CHST11: variants seen among roughly 807,000 people sequenced by gnomAD.
CHST11 encodes the protein carbohydrate sulfotransferase 11, also known as C4S-1.
Under a neutral mutation model 30.4 loss-of-function variants are expected in CHST11, and 9 were observed. That is an observed-to-expected ratio of 0.30 (90% CI 0.18 to 0.52). CHST11 has a LOEUF of 0.52. Among genes scored for constraint, CHST11 ranks in the 20% least tolerant of loss-of-function variants. The pLI, the probability that CHST11 is intolerant of heterozygous loss-of-function variation, is 0.97. For missense variants in CHST11, 348 were observed against 460.6 expected (o/e 0.76, Z 2.24); for synonymous variants, 152 against 187.8 (o/e 0.81, Z 1.56).
chr12:104,460,899 T>A (rs1305627504), intron 1 of CHST11, among the ~76,000 whole-genome samples: 1 of 152,178 alleles, frequency 6.6e-6, no homozygotes, highest in Non-Finnish European at 1.5e-5. Flanking sequence ...TTAAGAATAT[T>A]TTATAGGGCA....
intron 1 of CHST11, among the ~76,000 whole-genome samples, chr12:104,583,714 T>C (rs1254763437): frequency 2.4e-5 from 1 of 41,180 alleles, no homozygotes; most frequent in Non-Finnish European, 4.3e-5. Context: ...TTTTCAAAGA[T>C]CTCTCTCTTT....
chr12:104,534,669 A>G (rs2038219080), intron 1 of CHST11, among the ~76,000 whole-genome samples: 1 of 152,092 alleles, frequency 6.6e-6, no homozygotes, highest in Non-Finnish European at 1.5e-5. Flanking sequence ...GTAATCCTGT[A>G]TCGGTGCTGC....
intron 1 of CHST11, among the ~76,000 whole-genome samples, chr12:104,581,979 C>T (rs1274805222): frequency 6.6e-6 from 1 of 151,982 alleles, no homozygotes; most frequent in East Asian, 1.9e-4. Flanking sequence ...GGGGATGGGA[C>T]GGAGGGAGGT....
chr12:104,565,328 A>G lies in CHST11; in HGVS notation c.119-36578A>G, dbSNP rs544643778. 1.1e-3 allele frequency among the ~76,000 whole-genome samples: 143 copies of G among 132,280 alleles called. 1 individual carries two copies. Among genetic ancestry groups the G allele is most frequent in the Non-Finnish European group, 1.7e-3 (111 of 65,896 alleles). 86.8% of individuals were successfully genotyped at this position (132,280 alleles called of 152,430 possible). On this transcript the variant is annotated intron_variant, in intron 1 of 2. Coordinates refer to ENST00000303694, the MANE Select transcript of CHST11 (RefSeq NM_018413.6). The stretch of plus-strand genomic sequence containing the variant: ...GTTGCTCAGGCTGGAGTGCAGTGGC[A>G]TGATCTTGGCTCACTGTAACCTCCA...
At chr12:104,557,328 C>T (rs2038467172) in intron 1 of CHST11, among the ~76,000 whole-genome samples, 1 of 152,218 alleles carries the variant, frequency 6.6e-6, no homozygotes, top group Admixed American at 6.5e-5. Flanking sequence ...AGCTGGGAAC[C>T]TGGTTGCTGG....
intron 2 of CHST11, among the ~76,000 whole-genome samples, chr12:104,732,226 G>A (rs1219554462): frequency 6.6e-6 from 1 of 152,190 alleles, no homozygotes; most frequent in African/African-American, 2.4e-5. Flanking sequence ...GGACCTGGCT[G>A]TGCCAGGAGC....
chr12:104,526,280 A>T (rs911700048), intron 1 of CHST11, among the ~76,000 whole-genome samples: 4 of 152,046 alleles, frequency 2.6e-5, no homozygotes, highest in Non-Finnish European at 5.9e-5. Flanking sequence ...TTTTTGTTCC[A>T]TGGAAGGTAG....
intron 2 of CHST11, among the ~76,000 whole-genome samples, chr12:104,644,682 A>G (rs752929230): frequency 2.6e-5 from 4 of 152,036 alleles, no homozygotes; most frequent in Non-Finnish European, 5.9e-5. Context: ...CCTGGCAGGC[A>G]GAGTGCAGCT....
In CHST11 at chr12:104,494,024, T is replaced by C. The variant is rs186051051; in HGVS notation, c.118+36495T>C. Among the ~76,000 whole-genome samples, 315 of 152,260 alleles carry C rather than the reference T, an allele frequency of 2.1e-3. 2 individuals carry two copies. Among genetic ancestry groups the C allele is most frequent in the African/African-American group, 7.2e-3 (298 of 41,548 alleles). ...GATCTCACTGTATTGTCCAGGCTGG[T>C]CTTGAATTTCCGGGCTCAAGCAAGC... is the stretch of plus-strand genomic sequence containing the variant. On this transcript the variant is annotated intron_variant, in intron 1 of 2. Transcript: ENST00000303694.
intron 2 of CHST11, among the ~76,000 whole-genome samples, chr12:104,722,155 A>AGTGGGTGTGTGTGTGT (rs1555247509): frequency 7.3e-6 from 1 of 137,482 alleles, no homozygotes; most frequent in Non-Finnish European, 1.5e-5. Context: ...CACTCAGCTA[A>AGTGGGTGTGTGTGTGT]GTGTGTGTGT....
chr12:104,721,591 T>C (rs1239504743), intron 2 of CHST11, among the ~76,000 whole-genome samples: 1 of 152,172 alleles, frequency 6.6e-6, no homozygotes, highest in Non-Finnish European at 1.5e-5. Flanking sequence ...CTGCGCCTGA[T>C]AGAGAATGAG....
intron 2 of CHST11, among the ~76,000 whole-genome samples, chr12:104,683,978 A>G (rs2039821933): frequency 6.6e-6 from 1 of 152,194 alleles, no homozygotes; most frequent in Admixed American, 6.5e-5. Flanking sequence ...AAGGGCAGAG[A>G]GGTGAAAGAA....
intron 2 of CHST11, among the ~76,000 whole-genome samples, chr12:104,609,184 C>T (rs1325062797): frequency 6.6e-6 from 1 of 152,228 alleles, no homozygotes; most frequent in Non-Finnish European, 1.5e-5. Flanking sequence ...TACCAACCAC[C>T]TGGTAAATGA....
At chr12:104,598,934 A>G (rs1363696403) in intron 1 of CHST11, among the ~76,000 whole-genome samples, 1 of 150,654 alleles carries the variant, frequency 6.6e-6, no homozygotes, top group South Asian at 2.1e-4. Flanking sequence ...AGCACCTGTC[A>G]GTCTCGAGGC....
chr12:104,670,088 GC>G (rs1245588185), intron 2 of CHST11, among the ~76,000 whole-genome samples: 2 of 152,248 alleles, frequency 1.3e-5, no homozygotes, highest in African/African-American at 4.8e-5. Flanking sequence ...GCGGAAGCTT[GC>G]CAAGAGAGTC....
At chr12:104,561,257 A>G (rs1314476153) in intron 1 of CHST11, among the ~76,000 whole-genome samples, 1 of 152,220 alleles carries the variant, frequency 6.6e-6, no homozygotes, top group African/African-American at 2.4e-5. Context: ...ACGCCATGGC[A>G]TCAGAAGCCC....
chr12:104,628,759 G>T (rs1334102897), intron 2 of CHST11, among the ~76,000 whole-genome samples: 1 of 152,102 alleles, frequency 6.6e-6, no homozygotes, highest in Admixed American at 6.5e-5. Context: ...CCTCTACTTG[G>T]CTGACTCCTT....
In CHST11 at chr12:104,635,913, C is replaced by T. The variant is rs73388107; in HGVS notation, c.204+33922C>T. Among the ~76,000 whole-genome samples, 575 of 152,270 alleles carry T rather than the reference C, an allele frequency of 3.8e-3. 6 individuals are homozygous for T. Among genetic ancestry groups the T allele is most frequent in the African/African-American group, 0.013 (538 of 41,542 alleles). On this transcript the variant is annotated intron_variant, in intron 2 of 2. Coordinates refer to ENST00000303694, the MANE Select transcript of CHST11 (RefSeq NM_018413.6). ...CAGCTCCCAGGCCAACACACAACAC[C>T]GCCTTAATGAACATCATTGTCATTC...
At chr12:104,570,343 G>C (rs906704392) in intron 1 of CHST11, among the ~76,000 whole-genome samples, 2 of 152,092 alleles carry the variant, frequency 1.3e-5, no homozygotes, top group Non-Finnish European at 2.9e-5. Flanking sequence ...TAGTAGGTGT[G>C]TGAGCAGCTG....
Sources: gnomAD v4.1 joint callset for allele counts (sites outside exome capture counted in the v4.1 genomes callset) on GRCh38, gnomAD v4.1.1 for gene constraint, MANE v1.5 for transcripts, NCBI Gene and HGNC (gene_info 2026-07-23, HGNC 2026-07-21) for gene names.